Variants in SGO2 observed in about 807,000 individuals in gnomAD.
SGO2 encodes the protein shugoshin 2, also known as shugoshin-like 2.
Under a neutral mutation model 99.5 loss-of-function variants are expected in SGO2, and 68 were observed. That is an observed-to-expected ratio of 0.68 (90% CI 0.56 to 0.84). The LOEUF (loss-of-function observed/expected upper bound fraction) is 0.84, where lower values mean the gene tolerates loss of function less well. SGO2 is among the 40% of genes least tolerant of loss of function. The probability of loss-of-function intolerance (pLI) is 0.00; values close to 1 mark genes in which losing one functional copy is unlikely to be tolerated. For missense variants in SGO2, 1,350 were observed against 1,436.7 expected (o/e 0.94, Z 0.97); for synonymous variants, 457 against 487.1 (o/e 0.94, Z 0.81).
chr2:200,574,629 T>A (rs1394517559), intron 7 of SGO2, among the ~76,000 whole-genome samples: 1 of 152,048 alleles, frequency 6.6e-6, no homozygotes, highest in African/African-American at 2.4e-5. Flanking sequence ...TTTTTACCTG[T>A]AGTATTTACT....
rs2033429002 is a variant in SGO2 at position 200,571,590 on chromosome 2, G to A, written c.1244G>A (p.Arg415Lys). The A allele has an allele frequency of 1.9e-6, 3 of 1,612,284 alleles. No homozygotes were observed. Among genetic ancestry groups the A allele is most frequent in the Non-Finnish European group, 2.5e-6 (3 of 1,179,504 alleles). Reference protein sequence around the residue: ...SSEKKRERSKRQFKNSSDVDI... With the variant: ...SSEKKRERSKKQFKNSSDVDI... ...GAAAAAAAGAGAGAAAGATCAAAGA[G>A]ACAGTTTAAAAATAGTTCAGATGTC... is the stretch of plus-strand genomic sequence containing the variant. Residue 415 changes from arginine (R) to lysine (K), a missense_variant, in exon 7 of 9, where the codon AGA becomes AAA. By Grantham distance (26) the Arg-to-Lys change is conservative. Coordinates refer to ENST00000357799, the MANE Select transcript of SGO2 (RefSeq NM_152524.6).
At chr2:200,568,734 C>G (rs2033285976) in intron 5 of SGO2, among the ~76,000 whole-genome samples, 1 of 152,208 alleles carries the variant, frequency 6.6e-6, no homozygotes, top group Admixed American at 6.5e-5. Flanking sequence ...GGGAAACTCA[C>G]TCTTCTTCCA....
intron 8 of SGO2, among the ~76,000 whole-genome samples, chr2:200,575,725 G>T (rs1312091530): frequency 6.6e-6 from 1 of 152,062 alleles, no homozygotes; most frequent in Non-Finnish European, 1.5e-5. Flanking sequence ...TTAAATTGTA[G>T]CCTGATACTT....
At position 200,571,295 on chromosome 2, in the gene SGO2, G is replaced by C. The variant is rs1382796640; in HGVS notation, c.949G>C (p.Glu317Gln). The change falls in exon 7 of 9, where the codon GAA (glutamate) becomes CAA (glutamine). Residue 317 changes from glutamate to glutamine, a missense_variant. Glu to Gln is a conservative substitution (Grantham distance 29, BLOSUM62 2). Transcript: ENST00000357799. ...TAATGAGATAAATGGTCATACTAATGAAACAAATACTGAAATGCAAAGAAA... is the reference window on the plus strand; with the variant it reads ...TAATGAGATAAATGGTCATACTAATCAAACAAATACTGAAATGCAAAGAAA... ...CNNEINGHTN[E>Q]TNTEMQRNKQ... 1.2e-6 allele frequency: 2 copies of C among 1,613,082 alleles called. No homozygotes were observed. Among genetic ancestry groups the C allele is most frequent in the Admixed American group, 3.3e-5 (2 of 59,882 alleles).
At chr2:200,557,621 G>A (rs1304654609) in intron 5 of SGO2, among the ~76,000 whole-genome samples, 1 of 152,112 alleles carries the variant, frequency 6.6e-6, no homozygotes, top group Non-Finnish European at 1.5e-5. Context: ...AGGCAGAGAA[G>A]CTCTGCTTTT....
intron 2 of SGO2, among the ~76,000 whole-genome samples, chr2:200,534,778 C>T (rs1463344152): frequency 6.6e-6 from 1 of 152,138 alleles, no homozygotes; most frequent in Non-Finnish European, 1.5e-5. Context: ...TTCTGCATTC[C>T]TCACAACTCT....
At position 200,572,669 on chromosome 2, in the gene SGO2, G is replaced by A; in HGVS notation, c.2323G>A (p.Gly775Arg). Residue 775 changes from glycine to arginine, a missense_variant, in exon 7 of 9, where the codon GGA becomes AGA. Gly to Arg is a moderately radical substitution (Grantham distance 125). Transcript: ENST00000357799. ...ETPALSTKDS[G>R]NLYDSEIQNV... ...ACCTGCTCTTTCTACCAAAGATAGT[G>A]GAAACCTGTATGATTCTGAGATTCA... is the stretch of plus-strand genomic sequence containing the variant. 1 of 1,612,240 alleles carries A rather than the reference G, an allele frequency of 6.2e-7. No individual in the cohort carries two copies. The highest frequency in any genetic ancestry group is 8.5e-7 in the Non-Finnish European group (1 of 1,179,254).
chr2:200,539,986 G>A (rs1288955184), intron 4 of SGO2, among the ~76,000 whole-genome samples: 3 of 147,494 alleles, frequency 2.0e-5, no homozygotes, highest in East Asian at 2.0e-4. Flanking sequence ...TTTTTTTCTC[G>A]GTTTTGCTGT....
chr2:200,581,251 T>C (rs2033835043), intron 8 of SGO2, among the ~76,000 whole-genome samples: 1 of 152,164 alleles, frequency 6.6e-6, no homozygotes, highest in South Asian at 2.1e-4. Context: ...GTTGCTTAGA[T>C]CTTCTGTTTC....
chr2:200,573,183 A>G lies in SGO2; in HGVS notation c.2837A>G (p.Asn946Ser), dbSNP rs946754675. 5 of 1,581,336 alleles carry G rather than the reference A, an allele frequency of 3.2e-6. No individual in the cohort carries two copies. Among genetic ancestry groups the G allele is most frequent in the African/African-American group, 1.4e-5 (1 of 72,916 alleles). The part of the protein sequence containing the change: ...SYTKDLDFKV[N>S]KSKQKLECQD... ...ACAAAAGATCTTGATTTTAAAGTAAATAAATCTAAACAAAAACTTGAATGC... is the reference window on the plus strand; with the variant it reads ...ACAAAAGATCTTGATTTTAAAGTAAGTAAATCTAAACAAAAACTTGAATGC... Residue 946 changes from asparagine to serine, a missense_variant, in exon 7 of 9, where the codon AAT becomes AGT. By Grantham distance (46) the Asn-to-Ser change is conservative. Coordinates refer to ENST00000357799, the MANE Select transcript of SGO2 (RefSeq NM_152524.6).
intron 5 of SGO2, among the ~76,000 whole-genome samples, chr2:200,558,283 T>A (rs1218417894): frequency 6.6e-6 from 1 of 152,236 alleles, no homozygotes; most frequent in Non-Finnish European, 1.5e-5. Flanking sequence ...TTGTAGATTC[T>A]CTTAATCAGA....
At chr2:200,578,687 A>G (rs2033743938) in intron 8 of SGO2, among the ~76,000 whole-genome samples, 2 of 152,222 alleles carry the variant, frequency 1.3e-5, no homozygotes, top group Admixed American at 1.3e-4. Flanking sequence ...CAAGTCCTGT[A>G]GCAGGATAGA....
rs2031617929 is a variant in SGO2 at position 200,534,979 on chromosome 2, T to A, written c.134-17T>A. The A allele has an allele frequency of 1.1e-5, 17 of 1,490,446 alleles. No individual in the cohort carries two copies. Among genetic ancestry groups the A allele is most frequent in the African/African-American group, 1.5e-5 (1 of 67,074 alleles). 92.3% of individuals were successfully genotyped at this position (1,490,446 alleles called of 1,614,324 possible). ...GTATAAGCTGAATATTAACTCATTT[T>A]AAAAATCTTTTTACAGATAATTCTT... On this transcript the variant is annotated splice_polypyrimidine_tract_variant and intron_variant, in intron 2 of 8. Transcript: ENST00000357799.
At chr2:200,532,227 G>C (rs570091422) in intron 1 of SGO2, 2 of 210,654 alleles carry the variant, frequency 9.5e-6, no homozygotes, top group South Asian at 1.7e-4. Context: ...GTGGTGGGGA[G>C]GCTGAGTATT....
intron 5 of SGO2, 89 bp downstream of exon 5, chr2:200,542,753 A>G (rs2032022856): frequency 9.0e-7 from 1 of 1,108,476 alleles, no homozygotes; most frequent in Non-Finnish European, 1.3e-6. Flanking sequence ...AGTGTTCAGG[A>G]TCATCAACCT....
At chr2:200,583,363 T>G (rs766667834) in intron 8 of SGO2, 86 bp from the exon 9 acceptor site, 4 of 1,159,726 alleles carry the variant, frequency 3.4e-6, no homozygotes, top group Non-Finnish European at 3.7e-6. Context: ...TCTACTGATA[T>G]GATGAAACAA....
rs148316051 is a variant in SGO2, at chr2:200,569,127, T to C, written c.474-536T>C. ...TCTTCATTCTTTGAATTCAAATATG[T>C]CAGTGTATCAAATTATTTCTGTGGG... On this transcript the variant is annotated intron_variant, in intron 5 of 8. Transcript: ENST00000357799. Among the ~76,000 whole-genome samples, 17 of 152,226 alleles carry C rather than the reference T, an allele frequency of 1.1e-4. No individual in the cohort carries two copies. The East Asian group carries it at 2.5e-3, about 22-fold the overall frequency.
At chr2:200,569,517 T>C in intron 5 of SGO2, 146 bp from the exon 6 acceptor site, 1 of 614,502 alleles carries the variant, frequency 1.6e-6, no homozygotes, top group Admixed American at 3.2e-5. Context: ...ACTCATTTCC[T>C]ACCTTTAAGT....
chr2:200,564,562 A>G (rs1017668623), intron 5 of SGO2, among the ~76,000 whole-genome samples: 1 of 152,226 alleles, frequency 6.6e-6, no homozygotes, highest in African/African-American at 2.4e-5. Context: ...AGAGTTCTGT[A>G]GATGTCTATT....
Sources: gnomAD v4.1 joint callset for allele counts (sites outside exome capture counted in the v4.1 genomes callset) on GRCh38, gnomAD v4.1.1 for gene constraint, MANE v1.5 for transcripts, NCBI Gene and HGNC (gene_info 2026-07-23, HGNC 2026-07-21) for gene names.